C8orf34: variants seen among roughly 807,000 people sequenced by gnomAD.
The protein encoded by C8orf34 is uncharacterized protein C8orf34.
Under a neutral mutation model 68.3 loss-of-function variants are expected in C8orf34, and 65 were observed. That is an observed-to-expected ratio of 0.95 (90% CI 0.78 to 1.17). The LOEUF is 1.17. Ranked by LOEUF, C8orf34 falls within the 50% of genes most tolerant of loss-of-function variation. The probability of loss-of-function intolerance (pLI) is 0.00; values close to 1 mark genes in which losing one functional copy is unlikely to be tolerated. For synonymous variants in C8orf34, 244 were observed against 241.2 expected (o/e 1.01, Z -0.11); for missense variants, 664 against 655.4 (o/e 1.01, Z -0.14).
intron 10 of C8orf34, among the ~76,000 whole-genome samples, chr8:68,724,541 C>T (rs765186360): frequency 3.9e-5 from 6 of 152,264 alleles, no homozygotes; most frequent in Non-Finnish European, 8.8e-5. Flanking sequence ...ATTTAAGTGA[C>T]GTGGAGGCAA....
At chr8:68,790,926 T>G in intron 12 of C8orf34, 1 of 687,464 alleles carries the variant, frequency 1.5e-6, no homozygotes, top group Non-Finnish European at 2.6e-6. Context: ...TTTCAATGAG[T>G]CAGAGGGTTA....
At chr8:68,739,760 C>A (rs971053440) in intron 10 of C8orf34, among the ~76,000 whole-genome samples, 13 of 151,938 alleles carry the variant, frequency 8.6e-5, no homozygotes, top group African/African-American at 1.9e-4. Flanking sequence ...CACATGGAAC[C>A]AAGAAAGAGC....
chr8:68,686,222 G>A (rs1820514659), intron 8 of C8orf34, among the ~76,000 whole-genome samples: 1 of 152,026 alleles, frequency 6.6e-6, no homozygotes. Flanking sequence ...AAGAAGAATT[G>A]ATACCAATCG....
intron 10 of C8orf34, among the ~76,000 whole-genome samples, chr8:68,748,689 A>G (rs1456345953): frequency 3.3e-5 from 5 of 151,680 alleles, no homozygotes; most frequent in Non-Finnish European, 7.4e-5. Flanking sequence ...ACAATGAGAT[A>G]CCATCTCACA....
At chr8:68,676,528 G>A (rs892569293) in intron 8 of C8orf34, among the ~76,000 whole-genome samples, 3 of 152,016 alleles carry the variant, frequency 2.0e-5, no homozygotes, top group African/African-American at 7.2e-5. Flanking sequence ...AAACCAAATG[G>A]ACCTAATATA....
intron 10 of C8orf34, among the ~76,000 whole-genome samples, chr8:68,725,691 A>G (rs1563632229): frequency 6.6e-6 from 1 of 152,152 alleles, no homozygotes; most frequent in Admixed American, 6.6e-5. Context: ...CTTCCAAAAG[A>G]TCTTGTGATT....
intron 10 of C8orf34, among the ~76,000 whole-genome samples, chr8:68,745,206 G>C (rs1341015872): frequency 6.6e-6 from 1 of 151,840 alleles, no homozygotes; most frequent in East Asian, 1.9e-4. Flanking sequence ...TCACCACCAG[G>C]CCTGCCCTAC....
intron 11 of C8orf34, 27 bp downstream of exon 11, chr8:68,776,476 T>C (rs1458532919): frequency 4.4e-6 from 7 of 1,578,912 alleles, no homozygotes; most frequent in Non-Finnish European, 6.1e-6. Flanking sequence ...CTTTATAATG[T>C]AGTCTGAAAT....
chr8:68,568,233 T>C (rs1816656064), intron 7 of C8orf34, among the ~76,000 whole-genome samples: 1 of 152,096 alleles, frequency 6.6e-6, no homozygotes. Flanking sequence ...ATCATTCATG[T>C]GTTCACTAGA....
At chr8:68,718,696 C>T (rs1283227084) in intron 9 of C8orf34, among the ~76,000 whole-genome samples, 1 of 152,114 alleles carries the variant, frequency 6.6e-6, no homozygotes, top group Non-Finnish European at 1.5e-5. Flanking sequence ...ATAAAAAAGT[C>T]TGTTGTGACA....
chr8:68,483,129 A>G (rs1812930419), intron 4 of C8orf34, among the ~76,000 whole-genome samples: 1 of 152,198 alleles, frequency 6.6e-6, no homozygotes, highest in African/African-American at 2.4e-5. Flanking sequence ...ACTACAACCT[A>G]ATTCTAACTC....
intron 3 of C8orf34, among the ~76,000 whole-genome samples, chr8:68,449,828 A>G (rs1230111262): frequency 7.2e-5 from 11 of 152,096 alleles, no homozygotes; most frequent in Non-Finnish European, 2.9e-5. Context: ...AGGTATCTTT[A>G]GCAATTTCCT....
intron 2 of C8orf34, among the ~76,000 whole-genome samples, chr8:68,446,096 A>T (rs1223293460): frequency 3.3e-5 from 5 of 152,148 alleles, no homozygotes; most frequent in African/African-American, 1.2e-4. Context: ...CCAATTTCAT[A>T]GTTTTATATG....
intron 5 of C8orf34, among the ~76,000 whole-genome samples, chr8:68,495,903 G>T (rs1360771886): frequency 6.6e-6 from 1 of 152,204 alleles, no homozygotes; most frequent in Non-Finnish European, 1.5e-5. Context: ...TATAGCCCAT[G>T]CTAAGCTTTT....
At chr8:68,552,818 T>A (rs1054509490) in intron 7 of C8orf34, among the ~76,000 whole-genome samples, 2 of 146,204 alleles carry the variant, frequency 1.4e-5, no homozygotes, top group African/African-American at 5.1e-5. Flanking sequence ...ATCTACGAGA[T>A]GATCATGTGG....
intron 1 of C8orf34, among the ~76,000 whole-genome samples, chr8:68,408,256 G>A (rs1300980489): frequency 6.6e-6 from 1 of 151,460 alleles, no homozygotes; most frequent in Non-Finnish European, 1.5e-5. Flanking sequence ...CCCCCAGATG[G>A]GACCATCTAG....
chr8:68,471,488 T>C (rs903425869), intron 4 of C8orf34, among the ~76,000 whole-genome samples: 4 of 152,184 alleles, frequency 2.6e-5, no homozygotes, highest in African/African-American at 9.6e-5. Flanking sequence ...AGTTTAGCTA[T>C]GTAATGGCAT....
intron 7 of C8orf34, among the ~76,000 whole-genome samples, chr8:68,608,269 G>A (rs537379212): frequency 1.3e-5 from 2 of 152,136 alleles, no homozygotes; most frequent in African/African-American, 4.8e-5. Context: ...CCACTCTAGA[G>A]CTATGTAGAG....
chr8:68,527,438 G>C (rs1815052628), intron 6 of C8orf34, among the ~76,000 whole-genome samples: 1 of 152,260 alleles, frequency 6.6e-6, no homozygotes, highest in East Asian at 1.9e-4. Context: ...CGGGCGTGGT[G>C]GTGGGCGCCT....
Sources: allele counts gnomAD v4.1 joint callset (sites outside exome capture counted in the v4.1 genomes callset), GRCh38; gene constraint gnomAD v4.1.1; transcripts MANE v1.5; gene names NCBI Gene and HGNC (gene_info 2026-07-23, HGNC 2026-07-21).